C10orf90: variants seen among roughly 807,000 people sequenced by gnomAD.
C10orf90 encodes chromosome 10 open reading frame 90.
A neutral mutation model predicts 62.5 loss-of-function variants in C10orf90; 56 were observed. The ratio of observed to expected loss-of-function variants is 0.90; its 90% CI spans 0.72 to 1.12. The LOEUF is 1.12. Ranked by LOEUF, C10orf90 falls within the 50% of genes most tolerant of loss-of-function variation. The pLI, the probability that C10orf90 is intolerant of heterozygous loss-of-function variation, is 0.00. For missense variants in C10orf90, 970 were observed against 880.4 expected (o/e 1.10, Z -1.29); for synonymous variants, 386 against 340.4 (o/e 1.13, Z -1.47).
chr10:126,579,852 C>A (rs2134014179), intron 2 of C10orf90, among the ~76,000 whole-genome samples: 1 of 152,178 alleles, frequency 6.6e-6, no homozygotes, highest in Admixed American at 6.5e-5. Context: ...ATTCTCAGGA[C>A]AACCCCACAG....
intron 2 of C10orf90, among the ~76,000 whole-genome samples, chr10:126,576,145 G>C: frequency 6.6e-6 from 1 of 152,080 alleles, no homozygotes; most frequent in East Asian, 1.9e-4. Flanking sequence ...ACAACCTACA[G>C]AATGGGAGAA....
intron 2 of C10orf90, among the ~76,000 whole-genome samples, chr10:126,532,904 G>A (rs12764719): frequency 0.59 from 77,740 of 131,630 alleles, 25,111 homozygotes; most frequent in Middle Eastern, 0.75. Flanking sequence ...ATAAAATAAA[G>A]GCTTGCTACT....
intron 2 of C10orf90, among the ~76,000 whole-genome samples, chr10:126,527,591 T>C (rs1284134025): frequency 6.6e-6 from 1 of 152,226 alleles, no homozygotes; most frequent in Non-Finnish European, 1.5e-5. Context: ...TGTTCTTTGG[T>C]GTCCCACAGA....
chr10:126,515,595 G>T (rs1201684794), intron 2 of C10orf90, among the ~76,000 whole-genome samples: 1 of 152,184 alleles, frequency 6.6e-6, no homozygotes, highest in Non-Finnish European at 1.5e-5. Flanking sequence ...ATCTAGGTTT[G>T]TACATTCTAC....
At chr10:126,662,488 T>A (rs1249283571) in intron 1 of C10orf90, among the ~76,000 whole-genome samples, 2 of 152,210 alleles carry the variant, frequency 1.3e-5, no homozygotes, top group East Asian at 3.9e-4. Flanking sequence ...GCTGTTTTTT[T>A]TCCTCTCAAG....
chr10:126,546,994 C>T (rs1028209240), intron 2 of C10orf90, among the ~76,000 whole-genome samples: 4 of 152,146 alleles, frequency 2.6e-5, no homozygotes, highest in Non-Finnish European at 4.4e-5. Flanking sequence ...GGCATGGTTG[C>T]GCATACCTGT....
Position 126,646,613 on chromosome 10 carries a change from G to A in C10orf90, c.265C>T (p.Pro89Ser). ...CTTTCCCAGGCAGAATGATCTTTGG[G>A]GGATGAGAAGAGTCGACTGTGGATC... The part of the protein sequence containing the change: ...YEIHSRLFSS[P>S]KDHSAWERNE... The change falls in exon 2 of 10, where the codon CCC becomes TCC. Residue 89 changes from proline (P) to serine (S), a missense_variant. By Grantham distance (74) the Pro-to-Ser change is moderately conservative. Coordinates refer to ENST00000488181, the MANE Select transcript of C10orf90 (RefSeq NM_001350921.2). The A allele has an allele frequency of 2.2e-6, 1 of 448,266 alleles. No individual in the cohort carries two copies. Among genetic ancestry groups the A allele is most frequent in the Non-Finnish European group, 4.5e-6 (1 of 223,476 alleles). The allele number at this position is 448,266 out of a possible 1,614,324, so 27.8% of individuals were successfully genotyped here. A position where few individuals can be genotyped will look rare whatever the true frequency, so the allele number is the denominator to read the frequency against.
chr10:126,643,982 T>C (rs901545250), intron 2 of C10orf90, among the ~76,000 whole-genome samples: 2 of 152,208 alleles, frequency 1.3e-5, no homozygotes, highest in African/African-American at 4.8e-5. Flanking sequence ...GACTCCCTCC[T>C]TGACCAAACC....
chr10:126,493,860 T>C (rs1861894137), intron 4 of C10orf90, among the ~76,000 whole-genome samples: 2 of 152,212 alleles, frequency 1.3e-5, no homozygotes, highest in South Asian at 4.1e-4. Flanking sequence ...GTGAATTCCA[T>C]CAGCGTAAAT....
At chr10:126,668,954 G>A (rs896317532) in intron 1 of C10orf90, among the ~76,000 whole-genome samples, 18 of 152,106 alleles carry the variant, frequency 1.2e-4, no homozygotes, top group African/African-American at 4.3e-4. Context: ...CGAAGAAAAC[G>A]AGAATGCCAG....
intron 2 of C10orf90, among the ~76,000 whole-genome samples, chr10:126,550,605 G>T (rs1454568990): frequency 6.6e-6 from 1 of 152,086 alleles, no homozygotes; most frequent in African/African-American, 2.4e-5. Context: ...CGCCTCCTGG[G>T]TTCAAGGAAT....
chr10:126,539,939 A>C (rs1055461113), intron 2 of C10orf90, among the ~76,000 whole-genome samples: 3 of 152,252 alleles, frequency 2.0e-5, no homozygotes, highest in Admixed American at 1.3e-4. Context: ...GAAGATCACT[A>C]TTTCAGGTGA....
rs1860692785 is a variant in C10orf90 at position 126,473,429 on chromosome 10, G to A, written c.1535-8443C>T. Among the ~76,000 whole-genome samples, 6 of 152,180 alleles carry A rather than the reference G, an allele frequency of 3.9e-5. No homozygotes were observed. In the South Asian group the frequency reaches 1.2e-3, roughly 32 times the overall value. ...TTTGGCATCGTAGGCCACTGCTCTG[G>A]CCAGTGAGATATAAGTAGAAAAAGT... is the stretch of plus-strand genomic sequence containing the variant. On this transcript the variant is annotated intron_variant, in intron 4 of 9. Transcript: ENST00000488181.
intron 2 of C10orf90, among the ~76,000 whole-genome samples, chr10:126,544,514 C>T (rs923500833): frequency 6.6e-6 from 1 of 152,110 alleles, no homozygotes; most frequent in African/African-American, 2.4e-5. Flanking sequence ...CCATAAGACA[C>T]ATTCCCAAGC....
intron 2 of C10orf90, among the ~76,000 whole-genome samples, chr10:126,582,687 CTT>C (rs143554804): frequency 0.048 from 7,304 of 152,174 alleles, 591 homozygotes; most frequent in African/African-American, 0.17. Flanking sequence ...ATTTGGGTCT[CTT>C]TATTTTCCTC....
intron 1 of C10orf90, among the ~76,000 whole-genome samples, chr10:126,651,297 G>A (rs1216377859): frequency 6.6e-6 from 1 of 152,024 alleles, no homozygotes; most frequent in Non-Finnish European, 1.5e-5. Context: ...TTTTCTCCCT[G>A]GGTTTGTAGC....
chr10:126,483,020 A>C (rs1861243294), intron 4 of C10orf90, among the ~76,000 whole-genome samples: 1 of 152,242 alleles, frequency 6.6e-6, no homozygotes, highest in African/African-American at 2.4e-5. Context: ...TTTCTAAAGA[A>C]AATTGCCTTC....
intron 7 of C10orf90, among the ~76,000 whole-genome samples, chr10:126,446,074 G>T (rs1384953955): frequency 6.6e-6 from 1 of 151,566 alleles, no homozygotes; most frequent in East Asian, 1.9e-4. Flanking sequence ...TCGAGTGATG[G>T]GTACATCAAA....
At chr10:126,607,564 C>A (rs1845340095) in intron 2 of C10orf90, among the ~76,000 whole-genome samples, 1 of 152,170 alleles carries the variant, frequency 6.6e-6, no homozygotes, top group Non-Finnish European at 1.5e-5. Flanking sequence ...TTCTGCGTGC[C>A]TCCTTTATCC....
Sources: gnomAD v4.1 joint callset for allele counts (sites outside exome capture counted in the v4.1 genomes callset) on GRCh38, gnomAD v4.1.1 for gene constraint, MANE v1.5 for transcripts, NCBI Gene and HGNC (gene_info 2026-07-23, HGNC 2026-07-21) for gene names.